EPB42: variants seen among roughly 807,000 people sequenced by gnomAD.
EPB42 encodes erythrocyte membrane protein band 4.2.
A neutral mutation model predicts 76.9 loss-of-function variants in EPB42; 49 were observed. The observed-to-expected ratio is 0.64, with a 90% CI of 0.51 to 0.81. EPB42 has a LOEUF of 0.81. Ranked by LOEUF, EPB42 falls within the 30% of genes least tolerant of loss-of-function variation. EPB42 has a pLI of 0.00. For missense variants in EPB42, 731 were observed against 867.6 expected, an observed-to-expected ratio of 0.84 and a Z score of 1.98; for synonymous variants, 310 against 338.4, an observed-to-expected ratio of 0.92 and a Z score of 0.92.
intron 3 of EPB42, 87 bp from the exon 4 acceptor site, chr15:43,211,621 A>C (rs991554760): frequency 3.2e-6 from 3 of 937,498 alleles, no homozygotes; most frequent in Non-Finnish European, 5.3e-6. Context: ...TGCCGAGATT[A>C]GGTTTGGCTG....
chr15:43,219,194 G>A (rs1332509543), intron 1 of EPB42, among the ~76,000 whole-genome samples: 1 of 152,184 alleles, frequency 6.6e-6, no homozygotes, highest in Admixed American at 6.5e-5. Flanking sequence ...CTGTGAAGAG[G>A]CGCGGACTGG....
At chr15:43,216,523 G>C in intron 1 of EPB42, 70 bp from the exon 2 acceptor site, 1 of 1,546,536 alleles carries the variant, frequency 6.5e-7, no homozygotes, top group Non-Finnish European at 8.9e-7. Flanking sequence ...CAGAGATTCT[G>C]GAGTCAGAGA....
intron 1 of EPB42, 133 bp downstream of exon 1, chr15:43,220,683 A>G: frequency 1.2e-6 from 1 of 864,838 alleles, no homozygotes. Flanking sequence ...TATCACCAGT[A>G]CCCCCTCCCC....
At chr15:43,203,495 G>A (rs897910254) in intron 10 of EPB42, among the ~76,000 whole-genome samples, 3 of 152,146 alleles carry the variant, frequency 2.0e-5, no homozygotes, top group Admixed American at 2.0e-4. Context: ...CACCTCAGTG[G>A]GGTTGGGAAA....
intron 8 of EPB42, 21 bp from the exon 9 acceptor site, chr15:43,207,462 T>C (rs780868805): frequency 6.2e-7 from 1 of 1,612,372 alleles, no homozygotes; most frequent in Non-Finnish European, 8.5e-7. Flanking sequence ...GAAAGGTTGG[T>C]GAGCATGGGA....
Position 43,199,001 on chromosome 15 carries a change from A to C in EPB42, c.1914-1537T>G, listed in dbSNP as rs2042088936. Among the ~76,000 whole-genome samples the C allele has an allele frequency of 2.6e-5, 4 of 152,232 alleles. No homozygotes were observed. In the South Asian group the frequency reaches 8.3e-4, roughly 31 times the overall value. The stretch of plus-strand genomic sequence containing the variant: ...TTGGGAACCTCTGCCTAGATTTCAG[A>C]ATATCTATGGAAATTCTGGGGGCCC... On this transcript the variant is annotated intron_variant, in intron 12 of 12. Transcript: ENST00000441366.
intron 1 of EPB42, among the ~76,000 whole-genome samples, chr15:43,217,033 C>T (rs545258242): frequency 1.2e-4 from 19 of 152,182 alleles, no homozygotes; most frequent in African/African-American, 4.1e-4. Flanking sequence ...AAACCCTTCA[C>T]GGAGGTGGCT....
chr15:43,219,037 C>T (rs1596421306), intron 1 of EPB42, among the ~76,000 whole-genome samples: 1 of 152,190 alleles, frequency 6.6e-6, no homozygotes, highest in East Asian at 1.9e-4. Flanking sequence ...GCCCCTCAAG[C>T]AGTTCTGTGT....
chr15:43,207,928 T>C lies in EPB42; in HGVS notation c.1075+302A>G, dbSNP rs114721492. Among the ~76,000 whole-genome samples, 1,391 of 152,310 alleles carry C rather than the reference T, an allele frequency of 9.1e-3. 25 individuals carry two copies. The highest frequency in any genetic ancestry group is 0.032 in the African/African-American group (1,328 of 41,566). On this transcript the variant is annotated intron_variant, in intron 8 of 12. Transcript: ENST00000441366. The stretch of plus-strand genomic sequence containing the variant: ...CCTCAGAACCTCTGCTGTAAGCCCC[T>C]GGCCTAGCACAGCCACTTGCCATCT...
At chr15:43,209,074 C>T (rs1447450346) in intron 6 of EPB42, among the ~76,000 whole-genome samples, 200 bp downstream of exon 6, 1 of 152,206 alleles carries the variant, frequency 6.6e-6, no homozygotes, top group Admixed American at 6.5e-5. Flanking sequence ...AAGGAGTTTG[C>T]AAATGAGCCC....
At chr15:43,200,543 G>A (rs538864968) in intron 12 of EPB42, among the ~76,000 whole-genome samples, 1 of 152,246 alleles carries the variant, frequency 6.6e-6, no homozygotes, top group African/African-American at 2.4e-5. Flanking sequence ...TACTTACTGA[G>A]AAGAAAACAT....
rs1000913011 is a variant in EPB42, at chr15:43,212,068, T to TA, written c.431-535dup. Among the ~76,000 whole-genome samples, 168 of 146,706 alleles carry TA rather than the reference T, an allele frequency of 1.1e-3. 2 individuals carry two copies. The highest frequency in any genetic ancestry group is 2.5e-3 in the African/African-American group (100 of 39,630). On this transcript the variant is annotated intron_variant, in intron 3 of 12. Coordinates refer to ENST00000441366, the MANE Select transcript of EPB42 (RefSeq NM_001114134.2). Reference sequence around the variant, plus strand: ...GGTGACAGAGTGAGAGACTTTCTCTTAAAAAAAAATGAAAACCAGCCAGGC... The same window carrying TA: ...GGTGACAGAGTGAGAGACTTTCTCTTAAAAAAAAAATGAAAACCAGCCAGGC...
chr15:43,204,241 C>G (rs758498088), intron 10 of EPB42, among the ~76,000 whole-genome samples: 5 of 152,140 alleles, frequency 3.3e-5, no homozygotes, highest in Admixed American at 6.6e-5. Context: ...CTTGACACCT[C>G]GTGCCCTTTC....
At chr15:43,225,495 C>T (rs556415487), upstream of EPB42, among the ~76,000 whole-genome samples, 1 of 152,242 alleles carries the variant, frequency 6.6e-6, no homozygotes, top group Non-Finnish European at 1.5e-5. Context: ...CCCATGAGAG[C>T]TTCACAGAGA....
upstream of EPB42, among the ~76,000 whole-genome samples, chr15:43,222,087 G>C (rs1026543087): frequency 6.6e-6 from 1 of 150,742 alleles, no homozygotes; most frequent in African/African-American, 2.4e-5. Flanking sequence ...AGGTTGCAGT[G>C]AGCCAAGATC....
chr15:43,206,606 G>C lies in EPB42; in HGVS notation c.1342C>G (p.Leu448Val). ...ATTTTCTCTTTCTCGACTCTCTCCA[G>C]CACCTCTTTTTCCTGAAGAGACCCT... The part of the protein sequence containing the change: ...PEGSLQEKEV[L>V]ERVEKEKMER... Residue 448 changes from leucine to valine, a missense_variant, in exon 10 of 13, where the codon CTG becomes GTG. Coordinates refer to ENST00000441366, the MANE Select transcript of EPB42 (RefSeq NM_001114134.2). This position sits in a 1 kb window ranked among gnomAD's most constrained non-coding sequence, Gnocchi z 4.7. 6.2e-7 allele frequency: 1 copy of C among 1,614,100 alleles called. No individual in the cohort carries two copies. Among genetic ancestry groups the C allele is most frequent in the Non-Finnish European group, 8.5e-7 (1 of 1,180,026 alleles).
intron 8 of EPB42, 94 bp downstream of exon 8, chr15:43,208,136 A>AC: frequency 9.3e-7 from 1 of 1,073,362 alleles, no homozygotes; most frequent in Non-Finnish European, 1.4e-6. Context: ...GAGGATGCAG[A>AC]CCCCCTTGGG....
chr15:43,205,393 T>A (rs533228864), intron 10 of EPB42, among the ~76,000 whole-genome samples: 88 of 152,304 alleles, frequency 5.8e-4, no homozygotes, highest in Non-Finnish European at 1.1e-3. Flanking sequence ...TGTTCCACCA[T>A]GGAGTTTTTG....
intron 12 of EPB42, among the ~76,000 whole-genome samples, chr15:43,200,453 G>T (rs2042108702): frequency 6.6e-6 from 1 of 152,094 alleles, no homozygotes; most frequent in Non-Finnish European, 1.5e-5. Context: ...CTAATACCTG[G>T]ACTATACAGG....
Sources: gnomAD v4.1 joint callset for allele counts (sites outside exome capture counted in the v4.1 genomes callset) on GRCh38, gnomAD v4.1.1 for gene constraint, Gnocchi (gnomAD v3.1) non-coding constraint, MANE v1.5 for transcripts, NCBI Gene and HGNC (gene_info 2026-07-23, HGNC 2026-07-21) for gene names.